OSBPL6: variants seen among roughly 807,000 people sequenced by gnomAD.
OSBPL6 encodes the protein oxysterol binding protein like 6.
Under a neutral mutation model 125.8 loss-of-function variants are expected in OSBPL6, and 49 were observed. The ratio of observed to expected loss-of-function variants is 0.39; its 90% CI spans 0.31 to 0.49. The LOEUF (loss-of-function observed/expected upper bound fraction) is 0.49, where lower values mean the gene tolerates loss of function less well. OSBPL6 is among the 20% of genes least tolerant of loss of function. OSBPL6 has a pLI of 0.88. For synonymous variants in OSBPL6, 394 were observed against 391.8 expected (o/e 1.01, Z -0.07); for missense variants, 986 against 1,135.4 (o/e 0.87, Z 1.89).
At chr2:178,265,300 C>T (rs1327852520) in intron 1 of OSBPL6, among the ~76,000 whole-genome samples, 3 of 139,062 alleles carry the variant, frequency 2.2e-5, no homozygotes, top group Non-Finnish European at 3.0e-5. Context: ...TAGCCTCAAC[C>T]TTCTGGGCTC....
At chr2:178,361,460 TA>T (rs1199987733) in intron 12 of OSBPL6, among the ~76,000 whole-genome samples, 1 of 152,214 alleles carries the variant, frequency 6.6e-6, no homozygotes, top group African/African-American at 2.4e-5. Context: ...CTGTCTGGTA[TA>T]AAAAACAAAT....
At position 178,213,207 on chromosome 2, in the gene OSBPL6, C is replaced by A. The variant is rs190421740; in HGVS notation, c.-351+18533C>A. Among the ~76,000 whole-genome samples the A allele has an allele frequency of 4.0e-3, 602 of 152,162 alleles. 5 individuals are homozygous for A. Among genetic ancestry groups the A allele is most frequent in the African/African-American group, 0.014 (571 of 41,518 alleles). On this transcript the variant is annotated intron_variant, in intron 1 of 24. Transcript: ENST00000190611. ...CTTCCAGGAATTTATCCTCAGTCTT[C>A]TCACTCCATACTGCCTCCCTGCTTG...
At chr2:178,386,102 A>C (rs927704700) in intron 19 of OSBPL6, among the ~76,000 whole-genome samples, 1 of 152,256 alleles carries the variant, frequency 6.6e-6, no homozygotes, top group Non-Finnish European at 1.5e-5. Flanking sequence ...TTAAGTGTAA[A>C]TAGTTCCTTC....
rs890921651 is a variant in OSBPL6, at chr2:178,382,693, A to G, written c.1621+186A>G. 6.2e-6 allele frequency: 9 copies of G among 1,457,460 alleles called. No homozygotes were observed. The African/African-American group carries it at 1.0e-4, about 16-fold the overall frequency. The allele number at this position is 1,457,460 out of a possible 1,614,324, so 90.3% of individuals were successfully genotyped here. A position where few individuals can be genotyped will look rare whatever the true frequency, so the allele number is the denominator to read the frequency against. On this transcript the variant is annotated intron_variant, in intron 16 of 24. Transcript: ENST00000190611. ...AGGTAAATGGTTGAAAAAATCTGTT[A>G]GGTAAATAGTTAAGAGAAAACGTTT...
At chr2:178,393,985 C>T (rs570730651) in intron 23 of OSBPL6, among the ~76,000 whole-genome samples, 26 of 152,346 alleles carry the variant, frequency 1.7e-4, no homozygotes, top group African/African-American at 5.8e-4. Context: ...TCACCCTGGA[C>T]TCTGCAGTTG....
At chr2:178,217,708 C>G (rs1353873318) in intron 1 of OSBPL6, among the ~76,000 whole-genome samples, 1 of 152,156 alleles carries the variant, frequency 6.6e-6, no homozygotes, top group Non-Finnish European at 1.5e-5. Context: ...GGTTGCCCCA[C>G]CCTAATCTTA....
chr2:178,356,009 C>A (rs1017554742), intron 12 of OSBPL6, among the ~76,000 whole-genome samples: 1 of 152,216 alleles, frequency 6.6e-6, no homozygotes, highest in South Asian at 2.1e-4. Flanking sequence ...TCAATAGATG[C>A]AGAAAAGGCC....
chr2:178,254,958 T>C (rs1276272758), intron 1 of OSBPL6, among the ~76,000 whole-genome samples: 1 of 152,154 alleles, frequency 6.6e-6, no homozygotes, highest in African/African-American at 2.4e-5. Flanking sequence ...CTCACAATCA[T>C]GGCGGAAGGT....
At chr2:178,267,077 G>C (rs1481157359) in intron 1 of OSBPL6, among the ~76,000 whole-genome samples, 3 of 151,990 alleles carry the variant, frequency 2.0e-5, no homozygotes, top group African/African-American at 7.2e-5. Flanking sequence ...GTTTAGGCCA[G>C]ACATGGTAGC....
rs577541969 is a variant in OSBPL6 at position 178,309,287 on chromosome 2, G to A, written c.102+3001G>A. On this transcript the variant is annotated intron_variant, in intron 3 of 24. Transcript: ENST00000190611. ...TTTTTATGTACTGATCTCCTCATCT[G>A]TATTGTGAGCTCTCGTATACAGACT... 2.0e-5 allele frequency among the ~76,000 whole-genome samples: 3 copies of A among 152,172 alleles called. No individual in the cohort carries two copies. In the East Asian group the frequency reaches 5.8e-4, roughly 29 times the overall value.
intron 1 of OSBPL6, among the ~76,000 whole-genome samples, chr2:178,266,668 G>A (rs1481800653): frequency 6.6e-6 from 1 of 152,168 alleles, no homozygotes; most frequent in Admixed American, 6.5e-5. Context: ...GCCCCTCACA[G>A]TCTCTTCACT....
intron 23 of OSBPL6, among the ~76,000 whole-genome samples, chr2:178,393,379 G>A (rs1370591864): frequency 6.6e-6 from 1 of 152,086 alleles, no homozygotes; most frequent in African/African-American, 2.4e-5. Context: ...TTATTCTTAT[G>A]TAGCTCTGAA....
At chr2:178,202,388 T>A (rs973172562) in intron 1 of OSBPL6, among the ~76,000 whole-genome samples, 1 of 152,264 alleles carries the variant, frequency 6.6e-6, no homozygotes, top group Non-Finnish European at 1.5e-5. Flanking sequence ...ATATTTTCAC[T>A]GGGCATAAAA....
Position 178,299,895 on chromosome 2 carries a change from C to G in OSBPL6, c.-155-6135C>G, listed in dbSNP as rs16866229. Among the ~76,000 whole-genome samples, 356 of 152,190 alleles carry G rather than the reference C, an allele frequency of 2.3e-3. 2 individuals carry two copies. Among genetic ancestry groups the G allele is most frequent in the African/African-American group, 8.2e-3 (342 of 41,510 alleles). ...CTTATTCATTTACTTAGTAAGGGGCCTAAGAAGAGTGGAGAGAGATTAGAG... is the reference window on the plus strand; with the variant it reads ...CTTATTCATTTACTTAGTAAGGGGCGTAAGAAGAGTGGAGAGAGATTAGAG... On this transcript the variant is annotated intron_variant, in intron 2 of 24. Coordinates refer to ENST00000190611, the MANE Select transcript of OSBPL6 (RefSeq NM_032523.4).
intron 3 of OSBPL6, among the ~76,000 whole-genome samples, chr2:178,319,884 T>C (rs1039435652): frequency 1.3e-5 from 2 of 152,232 alleles, no homozygotes. Flanking sequence ...TCTGTGAATA[T>C]AAAAATAGCT....
At chr2:178,341,817 T>C (rs1690226992) in intron 11 of OSBPL6, among the ~76,000 whole-genome samples, 1 of 152,174 alleles carries the variant, frequency 6.6e-6, no homozygotes, top group South Asian at 2.1e-4. Context: ...GGACCTTTTC[T>C]GCTTGCCCAA....
At chr2:178,330,982 T>C (rs1689150512) in intron 5 of OSBPL6, among the ~76,000 whole-genome samples, 1 of 152,208 alleles carries the variant, frequency 6.6e-6, no homozygotes. Flanking sequence ...TCAACCTCTT[T>C]GATTAATGGT....
chr2:178,213,677 A>T (rs1473645334), intron 1 of OSBPL6, among the ~76,000 whole-genome samples: 1 of 152,204 alleles, frequency 6.6e-6, no homozygotes, highest in Non-Finnish European at 1.5e-5. Context: ...AGTTGCTGTC[A>T]GTTATTTGAC....
chr2:178,233,632 T>C (rs2090928407), intron 1 of OSBPL6, among the ~76,000 whole-genome samples: 1 of 152,100 alleles, frequency 6.6e-6, no homozygotes, highest in East Asian at 1.9e-4. Context: ...CCTCTGGAAA[T>C]GTTAAGGAGG....
Sources: allele counts gnomAD v4.1 joint callset (sites outside exome capture counted in the v4.1 genomes callset), GRCh38; gene constraint gnomAD v4.1.1; transcripts MANE v1.5; gene names NCBI Gene and HGNC (gene_info 2026-07-23, HGNC 2026-07-21).